The following B3GALT1 variants were observed in gnomAD, a reference collection of about 807,000 sequenced individuals.
B3GALT1 encodes the protein UDP-Gal:betaGlcNAc beta 1,3-galactosyltransferase, polypeptide 1.
A neutral mutation model predicts 23.2 loss-of-function variants in B3GALT1; 10 were observed. The ratio of observed to expected loss-of-function variants is 0.43; its 90% confidence interval spans 0.27 to 0.73. The LOEUF is 0.73. B3GALT1 is among the 30% of genes least tolerant of loss of function. The pLI, the probability that B3GALT1 is intolerant of heterozygous loss-of-function variation, is 0.21. For missense variants in B3GALT1, 299 were observed against 405.4 expected, an observed-to-expected ratio of 0.74 and a Z score of 2.25; for synonymous variants, 156 against 141.5, an observed-to-expected ratio of 1.10 and a Z score of -0.73.
At chr2:167,546,926 C>A (rs1215607967) in intron 2 of B3GALT1, among the ~76,000 whole-genome samples, 1 of 152,074 alleles carries the variant, frequency 6.6e-6, no homozygotes, top group Non-Finnish European at 1.5e-5. Context: ...CAGGAAGCAC[C>A]CTCATCCTTC....
chr2:167,405,095 T>C (rs573468084), intron 1 of B3GALT1, among the ~76,000 whole-genome samples: 3 of 152,344 alleles, frequency 2.0e-5, no homozygotes, highest in Admixed American at 6.5e-5. Context: ...CCCTTAAGGA[T>C]TGACTCATTT....
chr2:167,834,069 G>A (rs577038539), intron 4 of B3GALT1, among the ~76,000 whole-genome samples: 1 of 152,252 alleles, frequency 6.6e-6, no homozygotes, highest in East Asian at 1.9e-4. Context: ...GAACTTTGCT[G>A]CACAAAATAG....
rs549831515 is a variant in B3GALT1, at chr2:167,713,535, T to G, written c.-352+66569T>G. The G allele has an allele frequency of 4.4e-6, 3 of 684,118 alleles. No homozygotes were observed. In the African/African-American group the frequency reaches 5.4e-5, roughly 12 times the overall value. 42.4% of individuals were successfully genotyped at this position (684,118 alleles called of 1,614,324 possible). ...CATCTTTATTTACAAAATACTGTCC[T>G]GAGAACTGTAATTCCATTAAACTTC... On this transcript the variant is annotated intron_variant, in intron 3 of 4. Transcript: ENST00000392690.
intron 1 of B3GALT1, among the ~76,000 whole-genome samples, chr2:167,327,682 C>A (rs1407473673): frequency 1.3e-5 from 2 of 150,678 alleles, no homozygotes; most frequent in African/African-American, 4.8e-5. Context: ...GACAGTTTGA[C>A]TTCCTGTTCT....
intron 3 of B3GALT1, among the ~76,000 whole-genome samples, chr2:167,679,965 T>G (rs1358789244): frequency 6.6e-6 from 1 of 152,238 alleles, no homozygotes; most frequent in Non-Finnish European, 1.5e-5. Flanking sequence ...TAGAATGAGT[T>G]ATCTGATATT....
chr2:167,586,499 C>T (rs1204177485), intron 2 of B3GALT1, among the ~76,000 whole-genome samples: 1 of 152,120 alleles, frequency 6.6e-6, no homozygotes, highest in African/African-American at 2.4e-5. Context: ...CAGGGTTTCA[C>T]CATGTTAGCC....
chr2:167,596,708 A>ATGC (rs1684779715), intron 2 of B3GALT1, among the ~76,000 whole-genome samples: 3 of 152,198 alleles, frequency 2.0e-5, no homozygotes, highest in African/African-American at 7.2e-5. Flanking sequence ...TTAAATAATA[A>ATGC]AGCATGCATT....
At chr2:167,697,249 G>A (rs1384854319) in intron 3 of B3GALT1, among the ~76,000 whole-genome samples, 1 of 152,182 alleles carries the variant, frequency 6.6e-6, no homozygotes, top group African/African-American at 2.4e-5. Context: ...CTCATGATTA[G>A]AGGATTGGTT....
chr2:167,531,703 C>T (rs557469697), intron 2 of B3GALT1, among the ~76,000 whole-genome samples: 14 of 152,222 alleles, frequency 9.2e-5, no homozygotes, highest in Non-Finnish European at 1.6e-4. Flanking sequence ...CATATTTTAA[C>T]GTGTTACTGA....
At chr2:167,868,049 A>G (rs1396412675) in intron 4 of B3GALT1, among the ~76,000 whole-genome samples, 4 of 152,244 alleles carry the variant, frequency 2.6e-5, no homozygotes, top group African/African-American at 9.6e-5. Context: ...AAGGGAACAC[A>G]TGGGTGAATG....
intron 3 of B3GALT1, among the ~76,000 whole-genome samples, chr2:167,717,157 A>G (rs1297084913): frequency 6.6e-6 from 1 of 151,666 alleles, no homozygotes; most frequent in African/African-American, 2.4e-5. Context: ...TCTTTCCTTT[A>G]TATTGATCAT....
chr2:167,596,404 A>T (rs143213213), intron 2 of B3GALT1, among the ~76,000 whole-genome samples: 17 of 152,340 alleles, frequency 1.1e-4, no homozygotes, highest in African/African-American at 4.1e-4. Flanking sequence ...CCCATTTCTA[A>T]GTTCCAAACA....
chr2:167,490,603 A>C lies in B3GALT1; in HGVS notation c.-410+326A>C, dbSNP rs1699694911. On this transcript the variant is annotated intron_variant, in intron 2 of 4. Transcript: ENST00000392690. ...GCCATGACACACATGGAAAATGGTA[A>C]TATTCCTAGGATACACTGTGAGGGG... Among the ~76,000 whole-genome samples, 3 of 152,196 alleles carry C rather than the reference A, an allele frequency of 2.0e-5. No individual in the cohort carries two copies. In the South Asian group the frequency reaches 6.2e-4, roughly 31 times the overall value.
chr2:167,749,045 A>G (rs1213020203), intron 3 of B3GALT1, among the ~76,000 whole-genome samples: 1 of 152,194 alleles, frequency 6.6e-6, no homozygotes, highest in Non-Finnish European at 1.5e-5. Flanking sequence ...AGGCATAGCT[A>G]AGATGCATGT....
At chr2:167,846,341 G>A (rs1347682309) in intron 4 of B3GALT1, among the ~76,000 whole-genome samples, 1 of 152,156 alleles carries the variant, frequency 6.6e-6, no homozygotes, top group African/African-American at 2.4e-5. Context: ...GTTAAGAAAT[G>A]TGAGACAGAA....
chr2:167,377,965 T>A (rs2105274089), intron 1 of B3GALT1, among the ~76,000 whole-genome samples: 1 of 152,330 alleles, frequency 6.6e-6, no homozygotes, highest in East Asian at 1.9e-4. Context: ...TATTGTTCTT[T>A]GGTTTCCATG....
intron 2 of B3GALT1, among the ~76,000 whole-genome samples, chr2:167,626,832 G>T (rs1685355606): frequency 1.3e-5 from 2 of 151,716 alleles, no homozygotes; most frequent in Admixed American, 1.3e-4. Context: ...AGTCACAGCA[G>T]AGACTCTTGG....
Position 167,697,949 on chromosome 2 carries a change from G to A in B3GALT1, c.-352+50983G>A, listed in dbSNP as rs146377314. ...ACACTTAAGTTGTGCAATTTCAGTT[G>A]TGTCTTATCTCCTAAAGAAAAGCTT... On this transcript the variant is annotated intron_variant, in intron 3 of 4. Coordinates refer to ENST00000392690, the MANE Select transcript of B3GALT1 (RefSeq NM_020981.4). 7.9e-5 allele frequency among the ~76,000 whole-genome samples: 12 copies of A among 152,280 alleles called. No homozygotes were observed. In the East Asian group the frequency reaches 2.1e-3, roughly 27 times the overall value.
At chr2:167,533,586 G>C (rs1195072584) in intron 2 of B3GALT1, among the ~76,000 whole-genome samples, 2 of 152,120 alleles carry the variant, frequency 1.3e-5, no homozygotes, top group South Asian at 2.1e-4. Flanking sequence ...TGTCCCTGAT[G>C]ATGAGGGATA....
Sources: gnomAD v4.1 joint callset for allele counts (sites outside exome capture counted in the v4.1 genomes callset) on GRCh38, gnomAD v4.1.1 for gene constraint, MANE v1.5 for transcripts, NCBI Gene and HGNC (gene_info 2026-07-23, HGNC 2026-07-21) for gene names.